IFT88: variants seen among roughly 807,000 people sequenced by gnomAD.
IFT88 encodes intraflagellar transport protein 88 homolog.
IFT88 carries 74 observed loss-of-function variants against 119.5 expected under a neutral mutation model. The observed-to-expected ratio is 0.62, with a 90% CI of 0.51 to 0.75. The LOEUF is 0.75. Among genes scored for constraint, IFT88 ranks in the 30% least tolerant of loss-of-function variants. IFT88 has a pLI of 0.00. For missense variants in IFT88, 961 were observed against 977.7 expected, an observed-to-expected ratio of 0.98 and a Z score of 0.23; for synonymous variants, 279 against 316.7, an observed-to-expected ratio of 0.88 and a Z score of 1.26.
chr13:20,690,971 C>G (rs2058412240), intron 25 of IFT88, 83 bp from the exon 26 acceptor site: 1 of 1,519,048 alleles, frequency 6.6e-7, no homozygotes, highest in Non-Finnish European at 9.0e-7. Context: ...CTGAGTTATT[C>G]ATTTTGACTA....
chr13:20,598,842 A>C (rs1343476058), intron 10 of IFT88, 89 bp downstream of exon 10: 11 of 772,660 alleles, frequency 1.4e-5, no homozygotes, highest in Non-Finnish European at 1.1e-5. Flanking sequence ...CTTAAAATGA[A>C]ATGATCTATG....
intron 8 of IFT88, among the ~76,000 whole-genome samples, chr13:20,596,738 A>G (rs1183769605): frequency 6.6e-6 from 1 of 152,212 alleles, no homozygotes; most frequent in Non-Finnish European, 1.5e-5. Flanking sequence ...TCATATAAAT[A>G]TAATTTCTGT....
At chr13:20,634,703 G>T (rs1191336610) in intron 16 of IFT88, among the ~76,000 whole-genome samples, 1 of 151,210 alleles carries the variant, frequency 6.6e-6, no homozygotes, top group Non-Finnish European at 1.5e-5. Context: ...ATTCCAGCCT[G>T]GGCGACAGAA....
chr13:20,690,959 C>A, intron 25 of IFT88, 95 bp from the exon 26 acceptor site: 1 of 1,479,846 alleles, frequency 6.8e-7, no homozygotes, highest in Non-Finnish European at 9.3e-7. Flanking sequence ...TTTCTGTTCA[C>A]TCTGAGTTAT....
intron 23 of IFT88, among the ~76,000 whole-genome samples, chr13:20,667,027 C>G (rs2054824845): frequency 6.6e-6 from 1 of 152,178 alleles, no homozygotes; most frequent in Non-Finnish European, 1.5e-5. Context: ...GGACCACTTC[C>G]CATGTCAGTA....
chr13:20,620,482 A>G (rs1037449181), intron 14 of IFT88, among the ~76,000 whole-genome samples: 8 of 152,240 alleles, frequency 5.3e-5, no homozygotes, highest in African/African-American at 1.9e-4. Flanking sequence ...CCCAAAATTC[A>G]TATGTTGAAA....
chr13:20,663,616 G>A lies in IFT88; in HGVS notation c.2175+12G>A. 6.4e-7 allele frequency: 1 copy of A among 1,573,858 alleles called. No individual in the cohort carries two copies. The highest frequency in any genetic ancestry group is 8.7e-7 in the Non-Finnish European group (1 of 1,145,486). ...AAATAAGGGAACAGGTATCTCATAT[G>A]GGCCCCAAACTGCAGTCTGTTAATT... On this transcript the variant is annotated intron_variant, in intron 23 of 25. Transcript: ENST00000351808.
intron 11 of IFT88, among the ~76,000 whole-genome samples, chr13:20,601,078 C>A (rs9552250): frequency 6.6e-6 from 1 of 152,102 alleles, no homozygotes; most frequent in East Asian, 1.9e-4. Context: ...AGAAAATAGA[C>A]TAATGGGCCG....
At chr13:20,608,216 A>G (rs1345983509) in intron 13 of IFT88, 2 of 278,774 alleles carry the variant, frequency 7.2e-6, no homozygotes, top group Admixed American at 7.5e-5. Flanking sequence ...CAGCAGTTTC[A>G]GAAACTTCTG....
rs1566073024 is a variant in IFT88, at chr13:20,583,001, T to C, written c.135T>C (p.Ser45=). ...DAAFQQAVRT[S]HGRRPPITAK... ...CTTTTCAGCAAGCTGTGAGGACTAG[T>C]CATGGCAGAAGACCTCCAGTAAGTG... Residue 45 remains serine, a synonymous_variant, in exon 3 of 26, where the codon AGT becomes AGC. Transcript: ENST00000351808. 6.2e-7 allele frequency: 1 copy of C among 1,611,076 alleles called. No homozygotes were observed.
At chr13:20,640,349 G>A (rs180962363) in intron 17 of IFT88, among the ~76,000 whole-genome samples, 214 of 151,496 alleles carry the variant, frequency 1.4e-3, no homozygotes, top group African/African-American at 4.5e-3. Context: ...CAAGGCAGGC[G>A]GATCATGAGG....
intron 24 of IFT88, among the ~76,000 whole-genome samples, chr13:20,682,518 C>T (rs2057438196): frequency 6.6e-6 from 1 of 152,158 alleles, no homozygotes; most frequent in Admixed American, 6.5e-5. Context: ...GAAAGTCATT[C>T]AGTGTTTTCA....
At chr13:20,569,888 T>A (rs1195916723) in intron 1 of IFT88, among the ~76,000 whole-genome samples, 1 of 150,104 alleles carries the variant, frequency 6.7e-6, no homozygotes, top group African/African-American at 2.5e-5. Flanking sequence ...AAAATAAAAA[T>A]AAAAAAATTA....
chr13:20,597,766 T>G (rs2041988266), intron 9 of IFT88, among the ~76,000 whole-genome samples: 1 of 149,104 alleles, frequency 6.7e-6, no homozygotes, highest in Admixed American at 6.7e-5. Flanking sequence ...TATATATATA[T>G]ATATTTTTTT....
intron 8 of IFT88, among the ~76,000 whole-genome samples, 172 bp from the exon 9 acceptor site, chr13:20,596,843 A>G (rs933310148): frequency 2.0e-5 from 3 of 152,142 alleles, no homozygotes; most frequent in Non-Finnish European, 2.9e-5. Flanking sequence ...TTGTCATTCT[A>G]AAAAACAAAA....
Position 20,644,858 on chromosome 13 carries a change from C to T in IFT88, c.1849C>T (p.Pro617Ser), listed in dbSNP as rs1283149888. ...TGTTTTACAGTCATATAGGTATTTT[C>T]CTTGTAATATTGAAGTCATTGAGTG... is the stretch of plus-strand genomic sequence containing the variant. ...QYYYESYRYF[P>S]CNIEVIEWLG... Residue 617 changes from proline to serine, a missense_variant, in exon 20 of 26, where the codon CCT becomes TCT. Pro to Ser is a moderately conservative substitution (Grantham distance 74). Transcript: ENST00000351808. 1 of 1,555,124 alleles carries T rather than the reference C, an allele frequency of 6.4e-7. No homozygotes were observed. The highest frequency in any genetic ancestry group is 8.8e-7 in the Non-Finnish European group (1 of 1,132,908).
chr13:20,613,072 G>A (rs1018327260), intron 13 of IFT88, among the ~76,000 whole-genome samples: 4 of 151,978 alleles, frequency 2.6e-5, no homozygotes, highest in African/African-American at 9.7e-5. Context: ...AGTGACATAA[G>A]AAAAAAATAG....
At chr13:20,621,432 T>G (rs1247674696) in intron 14 of IFT88, among the ~76,000 whole-genome samples, 4 of 151,800 alleles carry the variant, frequency 2.6e-5, no homozygotes, top group Non-Finnish European at 5.9e-5. Flanking sequence ...TCCTCCAGCT[T>G]TGTTGTTGAG....
At chr13:20,588,023 A>G (rs1174813538) in intron 3 of IFT88, among the ~76,000 whole-genome samples, 2 of 124,012 alleles carry the variant, frequency 1.6e-5, no homozygotes, top group South Asian at 2.4e-4. Context: ...TGGCTCTTGT[A>G]TATTTCATTT....
Sources: allele counts gnomAD v4.1 joint callset (sites outside exome capture counted in the v4.1 genomes callset), GRCh38; gene constraint gnomAD v4.1.1; transcripts MANE v1.5; gene names NCBI Gene and HGNC (gene_info 2026-07-23, HGNC 2026-07-21).